The following SETBP1 variants were observed in gnomAD, a reference collection of about 807,000 sequenced individuals.
SETBP1 encodes the protein SET binding protein 1.
Under a neutral mutation model 101.0 loss-of-function variants are expected in SETBP1, and 9 were observed. That is an observed-to-expected ratio of 0.09 (90% CI 0.05 to 0.16). SETBP1 has a LOEUF of 0.16. SETBP1 is among the 10% of genes least tolerant of loss of function. SETBP1 has a pLI of 1.00. For missense variants in SETBP1, 1,858 were observed against 2,033.8 expected (o/e 0.91, Z 1.66); for synonymous variants, 818 against 788.5 (o/e 1.04, Z -0.63).
intron 3 of SETBP1, among the ~76,000 whole-genome samples, chr18:44,920,568 C>T (rs930986609): frequency 2.0e-5 from 3 of 152,054 alleles, no homozygotes; most frequent in East Asian, 1.9e-4. Flanking sequence ...GAAGATCAGA[C>T]GAGTTAGTAA....
chr18:44,705,217 A>T (rs574867309), intron 2 of SETBP1, among the ~76,000 whole-genome samples: 1 of 152,348 alleles, frequency 6.6e-6, no homozygotes, highest in African/African-American at 2.4e-5. Context: ...GTAATATGTG[A>T]GGCATATGAA....
intron 3 of SETBP1, among the ~76,000 whole-genome samples, chr18:44,877,641 C>T (rs146238891): frequency 1.5e-4 from 23 of 152,314 alleles, no homozygotes; most frequent in Middle Eastern, 3.4e-3. Flanking sequence ...TATTTGCCCA[C>T]GTGCATACAT....
intron 4 of SETBP1, among the ~76,000 whole-genome samples, chr18:44,976,099 C>G (rs1448155009): frequency 1.3e-5 from 2 of 151,582 alleles, no homozygotes; most frequent in Non-Finnish European, 2.9e-5. Flanking sequence ...CACACACACA[C>G]ACACACACAC....
chr18:44,707,279 G>C (rs1305898607), intron 2 of SETBP1, among the ~76,000 whole-genome samples: 1 of 152,216 alleles, frequency 6.6e-6, no homozygotes, highest in East Asian at 1.9e-4. Flanking sequence ...GGTGGCACAA[G>C]CATAATCTGC....
At chr18:44,984,986 CA>C (rs1451748519) in intron 4 of SETBP1, among the ~76,000 whole-genome samples, 1 of 152,120 alleles carries the variant, frequency 6.6e-6, no homozygotes, top group Non-Finnish European at 1.5e-5. Context: ...ACTAAAAATA[CA>C]AAAACTAGCC....
chr18:45,024,136 TC>T (rs977147121), intron 4 of SETBP1, among the ~76,000 whole-genome samples: 48 of 152,272 alleles, frequency 3.2e-4, no homozygotes, highest in Admixed American at 2.6e-4. Flanking sequence ...TTAACCTCTC[TC>T]CCCTCTAAAA....
At chr18:44,686,550 C>T (rs1173260768) in intron 1 of SETBP1, among the ~76,000 whole-genome samples, 1 of 152,178 alleles carries the variant, frequency 6.6e-6, no homozygotes, top group African/African-American at 2.4e-5. Flanking sequence ...CTTACCCCCT[C>T]CAAGCTCTGA....
At chr18:44,690,860 C>T (rs1412717853) in intron 1 of SETBP1, among the ~76,000 whole-genome samples, 2 of 152,140 alleles carry the variant, frequency 1.3e-5, no homozygotes, top group Admixed American at 6.5e-5. Flanking sequence ...ATTCCTCCTC[C>T]CTGCTTGGAC....
chr18:44,867,363 T>C (rs2069151590), intron 2 of SETBP1, among the ~76,000 whole-genome samples: 1 of 152,206 alleles, frequency 6.6e-6, no homozygotes, highest in African/African-American at 2.4e-5. Context: ...TGCTCCCACC[T>C]GAAGTGCGTT....
At chr18:44,932,350 T>A (rs1230705225) in intron 3 of SETBP1, among the ~76,000 whole-genome samples, 1 of 152,234 alleles carries the variant, frequency 6.6e-6, no homozygotes, top group Non-Finnish European at 1.5e-5. Context: ...AACCCGACCT[T>A]TATCTCTGGC....
chr18:44,840,756 T>C (rs549693464), intron 2 of SETBP1, among the ~76,000 whole-genome samples: 1 of 152,330 alleles, frequency 6.6e-6, no homozygotes, highest in South Asian at 2.1e-4. Context: ...AAAAAACCCA[T>C]CTAGTTCATT....
At chr18:44,755,403 G>C (rs1265215266) in intron 2 of SETBP1, among the ~76,000 whole-genome samples, 2 of 152,196 alleles carry the variant, frequency 1.3e-5, no homozygotes, top group Non-Finnish European at 2.9e-5. Flanking sequence ...AATTAGCTGG[G>C]AGCGGGCTAG....
At position 44,951,667 on chromosome 18, in the gene SETBP1, T is replaced by A; in HGVS notation, c.2327T>A (p.Met776Lys). The change falls in exon 4 of 6, where the codon ATG becomes AAG. Residue 776 changes from methionine to lysine, a missense_variant. Around this residue, in one of 12 missense-constraint regions of SETBP1, gnomAD observed 121 missense variants for 138.0 expected, o/e 0.88. Coordinates refer to ENST00000649279, the MANE Select transcript of SETBP1 (RefSeq NM_015559.3). The surrounding 1 kb of genome is among the most constrained non-coding windows in gnomAD (Gnocchi z 7.8). Reference protein sequence around the residue: ...QSLVASSPAAMHPLSTQLGGS... With the variant: ...QSLVASSPAAKHPLSTQLGGS... The stretch of plus-strand genomic sequence containing the variant: ...CTTGTGGCGTCTTCACCAGCAGCTA[T>A]GCACCCACTTTCAACACAGTTAGGT... 6.2e-7 allele frequency: 1 copy of A among 1,614,190 alleles called. No individual in the cohort carries two copies. Among genetic ancestry groups the A allele is most frequent in the Non-Finnish European group, 8.5e-7 (1 of 1,180,042 alleles).
intron 2 of SETBP1, among the ~76,000 whole-genome samples, chr18:44,800,136 T>C (rs146298207): frequency 6.6e-6 from 1 of 152,288 alleles, no homozygotes; most frequent in Non-Finnish European, 1.5e-5. Context: ...GGCTGGTGGT[T>C]GTCAGTGGTT....
intron 2 of SETBP1, among the ~76,000 whole-genome samples, chr18:44,795,463 TACTG>T (rs756491548): frequency 6.6e-6 from 1 of 152,216 alleles, no homozygotes; most frequent in East Asian, 1.9e-4. Context: ...AGATCAGGTT[TACTG>T]ACTAAGAGTA....
chr18:44,769,842 A>T (rs1158982782), intron 2 of SETBP1, among the ~76,000 whole-genome samples: 1 of 152,232 alleles, frequency 6.6e-6, no homozygotes, highest in African/African-American at 2.4e-5. Context: ...GCTGAGGGTC[A>T]TCTTTTAGCA....
At chr18:44,972,345 A>C (rs1030107704) in intron 4 of SETBP1, among the ~76,000 whole-genome samples, 1 of 152,068 alleles carries the variant, frequency 6.6e-6, no homozygotes, top group Admixed American at 6.6e-5. Context: ...CTTAGGATTG[A>C]CTTGGCGATG....
intron 2 of SETBP1, among the ~76,000 whole-genome samples, chr18:44,842,598 A>C (rs192965959): frequency 6.6e-6 from 1 of 152,170 alleles, no homozygotes; most frequent in Non-Finnish European, 1.5e-5. Context: ...GTGTGAGCCA[A>C]CTGGTTTTGG....
intron 4 of SETBP1, among the ~76,000 whole-genome samples, chr18:44,990,668 C>T (rs1272065126): frequency 5.3e-5 from 8 of 151,158 alleles, no homozygotes. Context: ...CAGACCCCCC[C>T]ACACACACGT....
Sources: gnomAD v4.1 joint callset for allele counts (sites outside exome capture counted in the v4.1 genomes callset) on GRCh38, gnomAD v4.1.1 for gene constraint, gnomAD v4.1.1 regional missense constraint, Gnocchi (gnomAD v3.1) non-coding constraint, MANE v1.5 for transcripts, NCBI Gene and HGNC (gene_info 2026-07-23, HGNC 2026-07-21) for gene names.